Variants in GARS1 observed in about 807,000 individuals in gnomAD.
GARS1 encodes the protein glycine--tRNA ligase.
Under a neutral mutation model 86.4 loss-of-function variants are expected in GARS1, and 46 were observed. That is an observed-to-expected ratio of 0.53 (90% CI 0.42 to 0.68). GARS1 has a LOEUF of 0.68. Among genes scored for constraint, GARS1 ranks in the 30% least tolerant of loss-of-function variants. GARS1 has a pLI of 0.00. For synonymous variants in GARS1, 342 were observed against 329.8 expected (o/e 1.04, Z -0.40); for missense variants, 797 against 915.6 (o/e 0.87, Z 1.67).
At chr7:30,609,488 G>A in intron 6 of GARS1, 97 bp from the exon 7 acceptor site, 1 of 1,007,612 alleles carries the variant, frequency 9.9e-7, no homozygotes, top group Non-Finnish European at 1.6e-6. Flanking sequence ...AATTTTGTGT[G>A]ATTGTAGCAG....
chr7:30,621,774 C>T (rs1783011953), intron 11 of GARS1: 1 of 520,376 alleles, frequency 1.9e-6, no homozygotes. Flanking sequence ...TAGTTTTTCT[C>T]AGCTGTTTCC....
chr7:30,612,384 A>T, intron 8 of GARS1, 139 bp downstream of exon 8: 1 of 889,526 alleles, frequency 1.1e-6, no homozygotes. Context: ...ATCATGTTTT[A>T]CATTTGGAAT....
intron 13 of GARS1, chr7:30,627,065 C>A (rs1167065235): frequency 2.1e-6 from 1 of 465,640 alleles, no homozygotes; most frequent in South Asian, 1.6e-5. Flanking sequence ...AGAACAAATT[C>A]TGTGAATTAG....
At position 30,603,482 on chromosome 7, in the gene GARS1, C is replaced by G; in HGVS notation, c.659-14C>G. On this transcript the variant is annotated splice_polypyrimidine_tract_variant and intron_variant, in intron 5 of 16. Coordinates refer to ENST00000389266, the MANE Select transcript of GARS1 (RefSeq NM_002047.4). ...TTTCCCATTGATTGATATATGTCAA[C>G]ACTGTTCTTACAGCTCATTTACAGA... The G allele has an allele frequency of 6.2e-7, 1 of 1,604,310 alleles. No homozygotes were observed. The highest frequency in any genetic ancestry group is 8.5e-7 in the Non-Finnish European group (1 of 1,171,732).
rs1057228073 is a variant in GARS1 at position 30,633,749 on chromosome 7, C to T, written c.2109C>T (p.Pro703=). The change falls in exon 17 of 17, where the codon CCC becomes CCT. Residue 703 remains proline, a synonymous_variant. Transcript: ENST00000389266. ...RQIRAEISEL[P]SIVQDLANGN... is the part of the protein sequence containing the mutation. ...CTTGTCTCTAGATCTCTGAGCTGCC[C>T]AGCATAGTCCAAGACCTAGCCAATG... 1.4e-5 allele frequency: 22 copies of T among 1,613,908 alleles called. No homozygotes were observed. Among genetic ancestry groups the T allele is most frequent in the African/African-American group, 5.3e-5 (4 of 74,904 alleles).
In GARS1 at chr7:30,633,707, T is replaced by C. The variant is rs747972466; in HGVS notation, c.2095-28T>C. 9.9e-6 allele frequency: 16 copies of C among 1,612,828 alleles called. No homozygotes were observed. In the South Asian group the frequency reaches 1.8e-4, roughly 18 times the overall value. Reference sequence around the variant, plus strand: ...TTAAAAATCTGAACAAGTTGGTTGATACTTGGCTTCTCTTTCCTTGTCTCT... The same window carrying C: ...TTAAAAATCTGAACAAGTTGGTTGACACTTGGCTTCTCTTTCCTTGTCTCT... On this transcript the variant is annotated intron_variant, in intron 16 of 16. Coordinates refer to ENST00000389266, the MANE Select transcript of GARS1 (RefSeq NM_002047.4).
intron 15 of GARS1, 110 bp downstream of exon 15, chr7:30,631,651 A>G: frequency 1.3e-6 from 1 of 770,010 alleles, no homozygotes; most frequent in Non-Finnish European, 2.3e-6. Flanking sequence ...AAGAATATAA[A>G]TGATTTTATA....
intron 6 of GARS1, among the ~76,000 whole-genome samples, chr7:30,609,300 A>G (rs1256074092): frequency 1.3e-5 from 2 of 152,190 alleles, no homozygotes; most frequent in Non-Finnish European, 2.9e-5. Flanking sequence ...TTGCCAACCA[A>G]TAACTATTAT....
chr7:30,606,191 A>C (rs1791481366), intron 6 of GARS1, among the ~76,000 whole-genome samples: 1 of 152,162 alleles, frequency 6.6e-6, no homozygotes, highest in African/African-American at 2.4e-5. Context: ...ACTTCTGTCC[A>C]GAGCTACATA....
At chr7:30,607,584 A>G (rs1443580094) in intron 6 of GARS1, among the ~76,000 whole-genome samples, 1 of 152,134 alleles carries the variant, frequency 6.6e-6, no homozygotes, top group African/African-American at 2.4e-5. Context: ...CATTAGGAGA[A>G]ATACCTAATG....
At chr7:30,625,260 A>G (rs1783104466) in intron 12 of GARS1, among the ~76,000 whole-genome samples, 1 of 152,150 alleles carries the variant, frequency 6.6e-6, no homozygotes, top group South Asian at 2.1e-4. Context: ...CAACTCTTTT[A>G]TAGCTGTTAA....
At chr7:30,622,044 A>AT (rs1287070780) in intron 11 of GARS1, 1 of 464,834 alleles carries the variant, frequency 2.2e-6, no homozygotes. Flanking sequence ...AGAAGTTCTT[A>AT]TGCTATGGGT....
At chr7:30,601,669 T>C (rs989880063) in intron 4 of GARS1, among the ~76,000 whole-genome samples, 2 of 152,274 alleles carry the variant, frequency 1.3e-5, no homozygotes, top group African/African-American at 4.8e-5. Flanking sequence ...ATACAAGTTC[T>C]GAGCAAAGGT....
intron 4 of GARS1, among the ~76,000 whole-genome samples, chr7:30,602,233 C>T (rs953083510): frequency 1.4e-4 from 22 of 152,084 alleles, no homozygotes; most frequent in East Asian, 3.9e-4. Context: ...GGACTACAGG[C>T]ACCTGCCACC....
chr7:30,609,107 A>G (rs1419738290), intron 6 of GARS1, among the ~76,000 whole-genome samples: 1 of 152,202 alleles, frequency 6.6e-6, no homozygotes, highest in Non-Finnish European at 1.5e-5. Context: ...GGCGCTTAAT[A>G]TCTAATGGGA....
intron 5 of GARS1, 51 bp downstream of exon 5, chr7:30,603,173 A>C (rs552204599): frequency 6.8e-7 from 1 of 1,462,410 alleles, no homozygotes; most frequent in African/African-American, 1.4e-5. Context: ...AAAAGGTTTA[A>C]ACTTTCTCTC....
intron 14 of GARS1, among the ~76,000 whole-genome samples, chr7:30,629,206 T>A (rs757759256): frequency 1.4e-4 from 21 of 152,106 alleles, no homozygotes; most frequent in Non-Finnish European, 2.4e-4. Context: ...AAAATAAGAA[T>A]CCTGAGTGAT....
chr7:30,607,134 C>T (rs1584029987), intron 6 of GARS1, among the ~76,000 whole-genome samples: 1 of 152,152 alleles, frequency 6.6e-6, no homozygotes, highest in East Asian at 1.9e-4. Flanking sequence ...AGTCTGATAA[C>T]TGTATTTAAA....
intron 1 of GARS1, among the ~76,000 whole-genome samples, chr7:30,597,332 A>G (rs774216147): frequency 1.3e-5 from 2 of 152,250 alleles, no homozygotes; most frequent in Non-Finnish European, 2.9e-5. Context: ...CAAAAAATTC[A>G]TTGCTATAGT....
Sources: allele counts gnomAD v4.1 joint callset (sites outside exome capture counted in the v4.1 genomes callset), GRCh38; gene constraint gnomAD v4.1.1; transcripts MANE v1.5; gene names NCBI Gene and HGNC (gene_info 2026-07-23, HGNC 2026-07-21).